The following NRG1 variants were observed in gnomAD, a reference collection of about 807,000 sequenced individuals.
NRG1 encodes the protein pro-neuregulin-1, membrane-bound isoform.
A neutral mutation model predicts 63.8 loss-of-function variants in NRG1; 18 were observed. The observed-to-expected ratio is 0.28, with a 90% CI of 0.19 to 0.42. The LOEUF is 0.42. Among genes scored for constraint, NRG1 ranks in the 10% least tolerant of loss-of-function variants. The probability of loss-of-function intolerance (pLI) is 1.00; values close to 1 mark genes in which losing one functional copy is unlikely to be tolerated. For missense variants in NRG1, 762 were observed against 814.7 expected (o/e 0.94, Z 0.79); for synonymous variants, 302 against 301.3 (o/e 1.00, Z -0.02).
intron 1 of NRG1, among the ~76,000 whole-genome samples, chr8:31,652,591 C>A (rs1302011986): frequency 2.0e-5 from 3 of 152,194 alleles, no homozygotes; most frequent in African/African-American, 7.2e-5. Context: ...TGTGGATTTG[C>A]ACATATTGTT....
At chr8:32,443,939 T>C (rs1018138788) in intron 1 of NRG1, among the ~76,000 whole-genome samples, 2 of 152,152 alleles carry the variant, frequency 1.3e-5, no homozygotes, top group African/African-American at 2.4e-5. Flanking sequence ...CACAATGCTT[T>C]GATAGTGTCT....
At chr8:32,684,462 G>A (rs72634887) in intron 5 of NRG1, among the ~76,000 whole-genome samples, 9,834 of 152,140 alleles carry the variant, frequency 0.065, 362 homozygotes, top group Middle Eastern at 0.18. Context: ...TTACCTGTTC[G>A]TTTGTACTGG....
chr8:32,194,505 C>T (rs2132235988), intron 1 of NRG1, among the ~76,000 whole-genome samples: 1 of 152,196 alleles, frequency 6.6e-6, no homozygotes. Flanking sequence ...CACCCTATTT[C>T]CATGTACTAT....
chr8:32,658,548 C>T (rs1802066282), intron 5 of NRG1, among the ~76,000 whole-genome samples: 1 of 152,126 alleles, frequency 6.6e-6, no homozygotes, highest in African/African-American at 2.4e-5. Context: ...TGGGTTATTA[C>T]ATAATCAAAA....
chr8:32,312,389 G>T (rs1856925761), intron 1 of NRG1, among the ~76,000 whole-genome samples: 1 of 141,240 alleles, frequency 7.1e-6, no homozygotes, highest in African/African-American at 2.7e-5. Context: ...TGGCCAGGAT[G>T]GTCTGAAACT....
intron 3 of NRG1, among the ~76,000 whole-genome samples, chr8:32,608,998 T>G (rs1845823700): frequency 6.6e-6 from 1 of 152,106 alleles, no homozygotes; most frequent in South Asian, 2.1e-4. Context: ...ACTTACAAAT[T>G]ATCTGCTGTC....
chr8:32,508,295 AT>A (rs34620334), intron 1 of NRG1, among the ~76,000 whole-genome samples: 81,577 of 145,292 alleles, frequency 0.56, 22,539 homozygotes, highest in East Asian at 0.78. Flanking sequence ...TATAAGGGCC[AT>A]TTTTTTTTTT....
At chr8:31,971,411 G>T (rs1291220967) in intron 1 of NRG1, among the ~76,000 whole-genome samples, 3 of 152,074 alleles carry the variant, frequency 2.0e-5, no homozygotes, top group Non-Finnish European at 4.4e-5. Context: ...TGCATTTTAA[G>T]TTAATATTTT....
intron 1 of NRG1, among the ~76,000 whole-genome samples, chr8:32,456,423 T>C (rs1270378109): frequency 6.6e-6 from 1 of 152,174 alleles, no homozygotes; most frequent in Non-Finnish European, 1.5e-5. Context: ...AAAGTTTTGG[T>C]CCACCTATAC....
intron 9 of NRG1, among the ~76,000 whole-genome samples, chr8:32,758,836 T>A (rs1402214619): frequency 2.0e-5 from 3 of 152,036 alleles, no homozygotes; most frequent in Admixed American, 2.0e-4. Flanking sequence ...AGGCCCAACA[T>A]ATAGAGATTC....
At chr8:31,922,903 A>C (rs7824316) in intron 1 of NRG1, among the ~76,000 whole-genome samples, 25,699 of 152,136 alleles carry the variant, frequency 0.17, 2,612 homozygotes, top group African/African-American at 0.27. Context: ...ATAATAACAA[A>C]GTAAGAAAAG....
chr8:31,640,398 G>A lies in NRG1; in HGVS notation c.37+967G>A, dbSNP rs778723461. 18 of 1,437,730 alleles carry A rather than the reference G, an allele frequency of 1.3e-5. No individual in the cohort carries two copies. The highest frequency in any genetic ancestry group is 9.1e-6 in the Non-Finnish European group (10 of 1,093,092). 89.1% of individuals were successfully genotyped at this position (1,437,730 alleles called of 1,614,324 possible). On this transcript the variant is annotated intron_variant, in intron 1 of 10. Coordinates refer to the NRG1 transcript ENST00000519301. This position sits in a 1 kb window ranked among gnomAD's most constrained non-coding sequence, Gnocchi z 6.3. Reference sequence around the variant, plus strand: ...AGGAGCCGCTGCTCGCCGCCAACGGGACCGTGCCCTCTTGGCCCACCGCCC... The same window carrying A: ...AGGAGCCGCTGCTCGCCGCCAACGGAACCGTGCCCTCTTGGCCCACCGCCC...
chr8:32,532,802 T>C (rs1192950672), intron 1 of NRG1, among the ~76,000 whole-genome samples: 1 of 152,086 alleles, frequency 6.6e-6, no homozygotes, highest in Non-Finnish European at 1.5e-5. Flanking sequence ...CTAGATATGA[T>C]TTAATCATGA....
chr8:31,952,962 A>G (rs1803715442), intron 1 of NRG1, among the ~76,000 whole-genome samples: 2 of 152,206 alleles, frequency 1.3e-5, no homozygotes, highest in Non-Finnish European at 2.9e-5. Flanking sequence ...TCCTGACTCA[A>G]TTATTTGCAT....
chr8:32,038,372 G>C (rs1356064749), intron 1 of NRG1, among the ~76,000 whole-genome samples: 1 of 151,924 alleles, frequency 6.6e-6, no homozygotes. Context: ...GAATTTACTT[G>C]CTCTTTTTGT....
chr8:31,639,566 C>T (rs770366564), intron 1 of NRG1: 16 of 1,436,946 alleles, frequency 1.1e-5, no homozygotes, highest in Non-Finnish European at 1.4e-5. Context: ...CAGCAGCCGC[C>T]GCAGCATCAC....
At chr8:32,077,167 G>T (rs1405975822) in intron 1 of NRG1, among the ~76,000 whole-genome samples, 1 of 152,188 alleles carries the variant, frequency 6.6e-6, no homozygotes, top group Non-Finnish European at 1.5e-5. Context: ...AGGAGTTCGA[G>T]ACCAGCCTGG....
At chr8:32,542,938 T>C (rs745549603) in intron 1 of NRG1, among the ~76,000 whole-genome samples, 108 of 152,164 alleles carry the variant, frequency 7.1e-4, no homozygotes, top group Non-Finnish European at 1.2e-3. Context: ...ATGACAGGAC[T>C]TGGGGATGGG....
intron 1 of NRG1, among the ~76,000 whole-genome samples, chr8:32,210,521 T>C (rs1395586465): frequency 6.6e-6 from 1 of 152,186 alleles, no homozygotes; most frequent in African/African-American, 2.4e-5. Context: ...ACGTGTGACC[T>C]TCCCTTATCC....
Sources: gnomAD v4.1 joint callset for allele counts (sites outside exome capture counted in the v4.1 genomes callset) on GRCh38, gnomAD v4.1.1 for gene constraint, Gnocchi (gnomAD v3.1) non-coding constraint, MANE v1.5 for transcripts, NCBI Gene and HGNC (gene_info 2026-07-23, HGNC 2026-07-21) for gene names.